Variants in ACOT12 observed in about 807,000 individuals in gnomAD.
ACOT12 encodes the protein acyl-CoA thioesterase 12.
Under a neutral mutation model 67.7 loss-of-function variants are expected in ACOT12, and 51 were observed. The ratio of observed to expected loss-of-function variants is 0.75; its 90% confidence interval spans 0.60 to 0.95. The LOEUF (loss-of-function observed/expected upper bound fraction) is 0.95. ACOT12 is among the 40% of genes least tolerant of loss of function. ACOT12 has a pLI of 0.00. For missense variants in ACOT12, 734 were observed against 708.1 expected (o/e 1.04, Z -0.41); for synonymous variants, 251 against 244.6 (o/e 1.03, Z -0.24).
chr5:81,317,887 A>ATTTT, the ACOT12 span, among the ~76,000 whole-genome samples: 2 of 134,802 alleles, frequency 1.5e-5, no homozygotes, highest in African/African-American at 5.6e-5. Flanking sequence ...TAGGTTCACA[A>ATTTT]TTTTTTTTTT....
chr5:81,326,707 G>C (rs930557118), downstream of ACOT12, among the ~76,000 whole-genome samples: 2 of 152,208 alleles, frequency 1.3e-5, no homozygotes, highest in African/African-American at 4.8e-5. Context: ...AAACAAGCCA[G>C]GCCTCCTCTG....
chr5:81,327,872 G>A (rs1335716377), downstream of ACOT12, among the ~76,000 whole-genome samples: 1 of 152,154 alleles, frequency 6.6e-6, no homozygotes, highest in East Asian at 1.9e-4. Flanking sequence ...AAAAATCAGT[G>A]GGACTAATTT....
intron 5 of ACOT12, among the ~76,000 whole-genome samples, chr5:81,352,138 C>G (rs1364930400): frequency 2.0e-5 from 3 of 152,156 alleles, no homozygotes; most frequent in East Asian, 3.9e-4. Flanking sequence ...GAAAAGGGAA[C>G]CTTCATACAC....
intron 2 of ACOT12, among the ~76,000 whole-genome samples, chr5:81,379,272 T>G (rs1580589913): frequency 7.1e-6 from 1 of 141,606 alleles, no homozygotes; most frequent in Admixed American, 7.3e-5. Context: ...TAAGTGGGAG[T>G]TGAACAATGA....
At chr5:81,311,661 A>G in the ACOT12 span, among the ~76,000 whole-genome samples, 3 of 152,234 alleles carry the variant, frequency 2.0e-5, no homozygotes, top group Non-Finnish European at 4.4e-5. Context: ...GTCCTTATGT[A>G]TGCTTTGCTT....
At chr5:81,316,653 T>C in the ACOT12 span, among the ~76,000 whole-genome samples, 1 of 152,230 alleles carries the variant, frequency 6.6e-6, no homozygotes, top group Non-Finnish European at 1.5e-5. Flanking sequence ...AAAGTGACTA[T>C]ACCATTCGAT....
chr5:81,309,245 A>G, the ACOT12 span: 1 of 436,284 alleles, frequency 2.3e-6, no homozygotes, highest in Non-Finnish European at 4.0e-6. Flanking sequence ...AGAAAAAACT[A>G]AGGTGTATAT....
chr5:81,348,587 G>C (rs919040378), intron 5 of ACOT12, among the ~76,000 whole-genome samples: 1 of 151,654 alleles, frequency 6.6e-6, no homozygotes, highest in Middle Eastern at 3.2e-3. Context: ...TTTTTTTTTA[G>C]ACAGTCTCAC....
chr5:81,381,180 C>A (rs1760573359), intron 2 of ACOT12, among the ~76,000 whole-genome samples: 1 of 152,020 alleles, frequency 6.6e-6, no homozygotes, highest in Non-Finnish European at 1.5e-5. Context: ...GATTCTCCTG[C>A]CTCAGCTTCC....
At chr5:81,314,244 A>G in the ACOT12 span, among the ~76,000 whole-genome samples, 3 of 152,006 alleles carry the variant, frequency 2.0e-5, no homozygotes, top group Non-Finnish European at 4.4e-5. Context: ...AGCTGGGATT[A>G]TAGGCACGCA....
At chr5:81,339,271 G>A (rs544330528) in intron 11 of ACOT12, among the ~76,000 whole-genome samples, 1 of 152,322 alleles carries the variant, frequency 6.6e-6, no homozygotes, top group African/African-American at 2.4e-5. Context: ...GGGGTCGGAA[G>A]GGCGGAGCTC....
chr5:81,373,899 A>G (rs776157388), intron 2 of ACOT12, among the ~76,000 whole-genome samples: 1 of 152,158 alleles, frequency 6.6e-6, no homozygotes, highest in Non-Finnish European at 1.5e-5. Flanking sequence ...AGGGGTGGCT[A>G]TGGGCGCAGC....
At position 81,375,847 on chromosome 5, in the gene ACOT12, T is replaced by C. The variant is rs1256059219; in HGVS notation, c.198-4037A>G. 2.0e-5 allele frequency among the ~76,000 whole-genome samples: 3 copies of C among 152,108 alleles called. No individual in the cohort carries two copies. The East Asian group carries it at 5.8e-4, about 29-fold the overall frequency. On this transcript the variant is annotated intron_variant, in intron 2 of 14. Coordinates refer to ENST00000307624, the MANE Select transcript of ACOT12 (RefSeq NM_130767.3). ...CACCCAGATTCATAGAGAAAGTTCT[T>C]AGAGACCTACAAAGAGACTTAGACT...
chr5:81,330,268 G>T lies in ACOT12; in HGVS notation c.*126C>A. ...AAGATGCATTTTGTTTTTTAACTCC[G>T]TCACTGCATTTTGCTTAGGGTTATA... On this transcript the variant is annotated 3_prime_UTR_variant, in exon 15 of 15. Coordinates refer to ENST00000307624, the MANE Select transcript of ACOT12 (RefSeq NM_130767.3). 2.8e-6 allele frequency: 3 copies of T among 1,074,946 alleles called. No homozygotes were observed. Among genetic ancestry groups the T allele is most frequent in the Non-Finnish European group, 3.9e-6 (3 of 778,150 alleles). The allele number at this position is 1,074,946 out of a possible 1,614,324, so 66.6% of individuals were successfully genotyped here.
At chr5:81,327,618 T>A (rs1020958109), downstream of ACOT12, among the ~76,000 whole-genome samples, 1 of 152,206 alleles carries the variant, frequency 6.6e-6, no homozygotes. Flanking sequence ...TTTTTGTATT[T>A]TTAGTAAAGA....
chr5:81,388,521 G>A (rs748409189), intron 1 of ACOT12, among the ~76,000 whole-genome samples: 5 of 152,196 alleles, frequency 3.3e-5, no homozygotes, highest in Admixed American at 1.3e-4. Context: ...AAGTAGGTAC[G>A]AAATGATGAC....
At chr5:81,392,355 C>T (rs1051823702) in intron 1 of ACOT12, among the ~76,000 whole-genome samples, 3 of 152,246 alleles carry the variant, frequency 2.0e-5, no homozygotes, top group Admixed American at 1.3e-4. Flanking sequence ...TTAACACAGG[C>T]GTTATTCATG....
intron 11 of ACOT12, among the ~76,000 whole-genome samples, chr5:81,340,430 C>T (rs1376578707): frequency 4.6e-5 from 7 of 152,228 alleles, no homozygotes; most frequent in East Asian, 3.9e-4. Flanking sequence ...AACACGATCT[C>T]GGCCCACTGC....
At chr5:81,363,730 C>A in intron 4 of ACOT12, 58 bp downstream of exon 4, 2 of 1,275,988 alleles carry the variant, frequency 1.6e-6, no homozygotes, top group South Asian at 1.4e-5. Context: ...CATTCTGATG[C>A]AATTGTTACT....
Sources: allele counts gnomAD v4.1 joint callset (sites outside exome capture counted in the v4.1 genomes callset), GRCh38; gene constraint gnomAD v4.1.1; transcripts MANE v1.5; gene names NCBI Gene and HGNC (gene_info 2026-07-23, HGNC 2026-07-21).